The following CLIP4 variants were observed in gnomAD, a reference collection of about 807,000 sequenced individuals.
The protein encoded by CLIP4 is CAP-Gly domain-containing linker protein 4.
In CLIP4, 47 loss-of-function variants were observed where a neutral mutation model predicts 73.1. The ratio of observed to expected loss-of-function variants is 0.64; its 90% CI spans 0.51 to 0.82. The LOEUF (loss-of-function observed/expected upper bound fraction) is 0.82. Ranked by LOEUF, CLIP4 falls within the 40% of genes least tolerant of loss-of-function variation. CLIP4 has a pLI of 0.00. For missense variants in CLIP4, 874 were observed against 852.9 expected, an observed-to-expected ratio of 1.02 and a Z score of -0.31; for synonymous variants, 306 against 295.4, an observed-to-expected ratio of 1.04 and a Z score of -0.37.
At chr2:29,162,461 A>T (rs1667352554) in intron 12 of CLIP4, among the ~76,000 whole-genome samples, 1 of 152,198 alleles carries the variant, frequency 6.6e-6, no homozygotes, top group Non-Finnish European at 1.5e-5. Context: ...AAATGGGAAG[A>T]TATCCATACC....
At chr2:29,167,266 A>G (rs1667683003) in intron 13 of CLIP4, among the ~76,000 whole-genome samples, 1 of 152,198 alleles carries the variant, frequency 6.6e-6, no homozygotes, top group Admixed American at 6.5e-5. Context: ...TTTTTTCTAC[A>G]CTAATTATCT....
intron 1 of CLIP4, among the ~76,000 whole-genome samples, chr2:29,105,652 T>C (rs536318445): frequency 6.6e-6 from 1 of 152,334 alleles, no homozygotes; most frequent in Non-Finnish European, 1.5e-5. Flanking sequence ...TGCTAGGGAC[T>C]AAATGTTTGT....
chr2:29,132,638 A>G (rs1035101197), intron 4 of CLIP4: 3 of 165,092 alleles, frequency 1.8e-5, no homozygotes, highest in Admixed American at 6.3e-5. Context: ...ACATATGTGC[A>G]TATTTTCCAA....
intron 1 of CLIP4, among the ~76,000 whole-genome samples, chr2:29,107,177 AT>A (rs1171741412): frequency 6.6e-6 from 1 of 152,022 alleles, no homozygotes; most frequent in Non-Finnish European, 1.5e-5. Context: ...TCAAGATGTT[AT>A]TAAGCTTCTG....
chr2:29,153,112 G>A (rs956417114), intron 9 of CLIP4, among the ~76,000 whole-genome samples: 2 of 151,890 alleles, frequency 1.3e-5, no homozygotes, highest in Non-Finnish European at 2.9e-5. Flanking sequence ...AAATTTTTAT[G>A]GAACAAAACT....
At chr2:29,157,489 C>G (rs113873199) in intron 11 of CLIP4, 142 bp downstream of exon 11, 6 of 1,323,832 alleles carry the variant, frequency 4.5e-6, no homozygotes, top group African/African-American at 2.9e-5. Context: ...CCACCTCCCC[C>G]GAACCTTAAG....
chr2:29,131,232 T>G (rs1664947513), intron 2 of CLIP4, 26 bp from the exon 3 acceptor site: 1 of 1,544,640 alleles, frequency 6.5e-7, no homozygotes, highest in Non-Finnish European at 8.8e-7. Flanking sequence ...TTTAGTAAAT[T>G]TAATTTGCAT....
chr2:29,181,524 C>A, intron 15 of CLIP4, 48 bp from the exon 16 acceptor site: 2 of 1,445,528 alleles, frequency 1.4e-6, no homozygotes, highest in Non-Finnish European at 1.9e-6. Context: ...CATTGCATTA[C>A]GTGGCTTCAG....
At chr2:29,121,597 GTCTT>G in intron 2 of CLIP4, 76 bp downstream of exon 2, 1 of 1,501,898 alleles carries the variant, frequency 6.7e-7, no homozygotes, top group African/African-American at 1.4e-5. Context: ...TGCACTCATA[GTCTT>G]TCTTAGAACC....
chr2:29,118,825 A>AATAT (rs146696232), intron 1 of CLIP4, among the ~76,000 whole-genome samples: 26 of 150,646 alleles, frequency 1.7e-4, no homozygotes, highest in Middle Eastern at 3.4e-3. Context: ...TGGCAGGGCC[A>AATAT]ATATATATAT....
At chr2:29,166,320 C>T (rs1450039189) in intron 13 of CLIP4, among the ~76,000 whole-genome samples, 3 of 151,992 alleles carry the variant, frequency 2.0e-5, no homozygotes, top group Admixed American at 1.3e-4. Context: ...GGCCTTTCCC[C>T]CCACCCCTTT....
At position 29,163,414 on chromosome 2, in the gene CLIP4, A is replaced by G. The variant is rs1391202434; in HGVS notation, c.1535-417A>G. Among the ~76,000 whole-genome samples, 15 of 152,182 alleles carry G rather than the reference A, an allele frequency of 9.9e-5. No individual in the cohort carries two copies. The East Asian group carries it at 2.5e-3, about 25-fold the overall frequency. On this transcript the variant is annotated intron_variant, in intron 12 of 15. Coordinates refer to ENST00000320081, the MANE Select transcript of CLIP4 (RefSeq NM_024692.6). ...GGTGTTCTAATGTTAGGTGAGTAAG[A>G]TGAAAAGATTGCATGTTCATTTTAT...
In CLIP4 at chr2:29,101,550, G is replaced by A. The variant is rs965701068; in HGVS notation, c.-16+3603G>A. Among the ~76,000 whole-genome samples the A allele has an allele frequency of 2.0e-5, 3 of 152,144 alleles. No individual in the cohort carries two copies. The South Asian group carries it at 6.2e-4, about 32-fold the overall frequency. On this transcript the variant is annotated intron_variant, in intron 1 of 14. Transcript: ENST00000401605. Reference sequence around the variant, plus strand: ...TTTTATCCTGGCCATGCTGGCAGGTGATTAGATGGTGCCCACCTGGATTGA... The same window carrying A: ...TTTTATCCTGGCCATGCTGGCAGGTAATTAGATGGTGCCCACCTGGATTGA...
intron 2 of CLIP4, 24 bp from the exon 3 acceptor site, chr2:29,131,234 A>T (rs1278608898): frequency 1.9e-6 from 3 of 1,549,034 alleles, no homozygotes; most frequent in South Asian, 2.4e-5. Flanking sequence ...TAGTAAATTT[A>T]ATTTGCATCT....
intron 1 of CLIP4, chr2:29,097,980 A>G (rs972025836): frequency 4.6e-5 from 7 of 152,234 alleles, no homozygotes; most frequent in South Asian, 4.1e-4. Context: ...TCTCCTGTCC[A>G]TACAGCCCTC....
intron 1 of CLIP4, among the ~76,000 whole-genome samples, chr2:29,104,992 T>C (rs1668160520): frequency 6.6e-6 from 1 of 152,188 alleles, no homozygotes; most frequent in East Asian, 1.9e-4. Flanking sequence ...GTTTTTTTGC[T>C]GGGACTCTGC....
chr2:29,102,537 C>T (rs78283563), intron 1 of CLIP4, among the ~76,000 whole-genome samples: 1,768 of 152,246 alleles, frequency 0.012, 36 homozygotes, highest in African/African-American at 0.041. Flanking sequence ...ACAGTCACTG[C>T]GTTCAAAACA....
chr2:29,128,187 G>GTT (rs70958244), intron 2 of CLIP4, among the ~76,000 whole-genome samples: 2 of 138,438 alleles, frequency 1.4e-5, no homozygotes, highest in Non-Finnish European at 3.1e-5. Flanking sequence ...TAATGTCTGT[G>GTT]TTTTTTTTTT....
intron 1 of CLIP4, among the ~76,000 whole-genome samples, chr2:29,103,959 G>A (rs1025755893): frequency 1.3e-4 from 19 of 151,496 alleles, no homozygotes; most frequent in South Asian, 4.2e-4. Context: ...CACCTGCCTC[G>A]GCCTCCCAAA....
Sources: gnomAD v4.1 joint callset for allele counts (sites outside exome capture counted in the v4.1 genomes callset) on GRCh38, gnomAD v4.1.1 for gene constraint, MANE v1.5 for transcripts, NCBI Gene and HGNC (gene_info 2026-07-23, HGNC 2026-07-21) for gene names.